The following NPSR1 variants were observed in gnomAD, a reference collection of about 807,000 sequenced individuals.
The protein encoded by NPSR1 is neuropeptide S receptor 1.
NPSR1 carries 48 observed loss-of-function variants against 46.9 expected under a neutral mutation model. The ratio of observed to expected loss-of-function variants is 1.02; its 90% CI spans 0.81 to 1.30. The LOEUF (loss-of-function observed/expected upper bound fraction) is 1.30, where lower values mean the gene tolerates loss of function less well. Among genes scored for constraint, NPSR1 ranks in the 50% most tolerant of loss-of-function variants. The pLI, the probability that NPSR1 is intolerant of heterozygous loss-of-function variation, is 0.00. For synonymous variants in NPSR1, 176 were observed against 168.1 expected, an observed-to-expected ratio of 1.05 and a Z score of -0.36; for missense variants, 450 against 449.5, an observed-to-expected ratio of 1.00 and a Z score of -0.01.
intron 7 of NPSR1, among the ~76,000 whole-genome samples, chr7:34,846,637 A>G (rs994838205): frequency 9.2e-5 from 14 of 152,166 alleles, no homozygotes; most frequent in Non-Finnish European, 1.9e-4. Flanking sequence ...GAAAACCAAT[A>G]CAGGTGTATT....
chr7:34,842,168 T>C (rs1790587179), intron 6 of NPSR1, among the ~76,000 whole-genome samples: 1 of 152,206 alleles, frequency 6.6e-6, no homozygotes, highest in Non-Finnish European at 1.5e-5. Context: ...TCAAAGTAAC[T>C]CTGTGAGTTA....
At chr7:34,695,742 A>G (rs1198912658) in intron 2 of NPSR1, among the ~76,000 whole-genome samples, 2 of 152,196 alleles carry the variant, frequency 1.3e-5, no homozygotes, top group African/African-American at 4.8e-5. Context: ...TAAAAGTAAT[A>G]CCACAATGAG....
intron 2 of NPSR1, among the ~76,000 whole-genome samples, chr7:34,698,773 T>A (rs1248265239): frequency 6.6e-6 from 1 of 152,208 alleles, no homozygotes; most frequent in Non-Finnish European, 1.5e-5. Context: ...AAATCATATG[T>A]TTGACAAGGT....
At chr7:34,798,527 T>A (rs1428788155) in intron 3 of NPSR1, among the ~76,000 whole-genome samples, 1 of 152,100 alleles carries the variant, frequency 6.6e-6, no homozygotes, top group Non-Finnish European at 1.5e-5. Flanking sequence ...AGAGTGAGAC[T>A]CTGTCTAAGA....
chr7:34,748,914 A>C (rs1327243980), intron 2 of NPSR1, among the ~76,000 whole-genome samples: 2 of 152,092 alleles, frequency 1.3e-5, no homozygotes, highest in Non-Finnish European at 2.9e-5. Flanking sequence ...GGAACTGAGG[A>C]TCTTTACTTA....
At chr7:34,740,210 C>T (rs532112470) in intron 2 of NPSR1, among the ~76,000 whole-genome samples, 287 of 152,074 alleles carry the variant, frequency 1.9e-3, no homozygotes, top group African/African-American at 6.7e-3. Flanking sequence ...ACAGGCCTCA[C>T]CCAGCTCCCA....
At chr7:34,737,140 C>G (rs1784717023) in intron 2 of NPSR1, among the ~76,000 whole-genome samples, 1 of 152,074 alleles carries the variant, frequency 6.6e-6, no homozygotes, top group Non-Finnish European at 1.5e-5. Context: ...CTGCCAATAT[C>G]AGCATTCATA....
At chr7:34,672,556 G>C (rs1218775763) in intron 1 of NPSR1, among the ~76,000 whole-genome samples, 1 of 152,304 alleles carries the variant, frequency 6.6e-6, no homozygotes, top group Non-Finnish European at 1.5e-5. Flanking sequence ...ATGATCTACG[G>C]CCCATGGTAC....
At chr7:34,854,103 T>C (rs999795410), downstream of NPSR1, among the ~76,000 whole-genome samples, 18 of 152,334 alleles carry the variant, frequency 1.2e-4, no homozygotes, top group African/African-American at 4.1e-4. Context: ...TAGTCATTGA[T>C]ACACCAAGAA....
intron 1 of NPSR1, among the ~76,000 whole-genome samples, chr7:34,674,429 A>T (rs1792210865): frequency 6.6e-6 from 1 of 152,124 alleles, no homozygotes; most frequent in Non-Finnish European, 1.5e-5. Context: ...TTTGCACTTG[A>T]TATTGCCAAC....
At chr7:34,779,471 C>T in intron 3 of NPSR1, 2 of 524,294 alleles carry the variant, frequency 3.8e-6, no homozygotes, top group East Asian at 3.9e-5. Flanking sequence ...TGTTAGTAGA[C>T]TCTTTTAGGA....
chr7:34,871,972 G>A (rs1191484035), intron 8 of NPSR1, among the ~76,000 whole-genome samples: 1 of 151,828 alleles, frequency 6.6e-6, no homozygotes, highest in African/African-American at 2.4e-5. Flanking sequence ...CCACTAGGCA[G>A]TGTCCCAGTG....
intron 2 of NPSR1, among the ~76,000 whole-genome samples, chr7:34,722,747 C>T (rs539498807): frequency 6.6e-5 from 10 of 152,256 alleles, no homozygotes; most frequent in African/African-American, 2.4e-4. Flanking sequence ...TGTTGGAGAT[C>T]CATTAGATAT....
At chr7:34,802,096 C>T (rs140835459) in intron 3 of NPSR1, among the ~76,000 whole-genome samples, 10,381 of 149,344 alleles carry the variant, frequency 0.07, 1,659 homozygotes, top group African/African-American at 0.23. Context: ...ACATTCCATG[C>T]TCATGGGTAG....
At chr7:34,828,752 A>G (rs1325619226) in intron 5 of NPSR1, among the ~76,000 whole-genome samples, 2 of 152,226 alleles carry the variant, frequency 1.3e-5, no homozygotes, top group African/African-American at 4.8e-5. Context: ...TTCTTGTGGA[A>G]TTACTAGATC....
At position 34,811,823 on chromosome 7, in the gene NPSR1, A is replaced by G; in HGVS notation, c.438A>G (p.Arg146=). The part of the protein sequence containing the change: ...TYVLVSLSID[R]YHAIVYPMKF... ...TCCTGGTGTCCCTCAGCATAGACAG[A>G]TACCATGCCATCGTCTACCCCATGA... The change falls in exon 4 of 9, where the codon AGA becomes AGG. Residue 146 remains arginine (R), a synonymous_variant. Coordinates refer to ENST00000360581, the MANE Select transcript of NPSR1 (RefSeq NM_207172.2). The G allele has an allele frequency of 1.2e-6, 2 of 1,613,524 alleles. No individual in the cohort carries two copies. The highest frequency in any genetic ancestry group is 1.3e-5 in the African/African-American group (1 of 74,912).
At chr7:34,658,587 A>C in intron 1 of NPSR1, 28 bp downstream of exon 1, 7 of 1,608,616 alleles carry the variant, frequency 4.4e-6, no homozygotes, top group Non-Finnish European at 6.0e-6. Flanking sequence ...GACTCTGAAC[A>C]CTGACTTATA....
chr7:34,755,293 A>G (rs1785770853), intron 2 of NPSR1, among the ~76,000 whole-genome samples: 1 of 152,238 alleles, frequency 6.6e-6, no homozygotes, highest in African/African-American at 2.4e-5. Flanking sequence ...CAAATACATG[A>G]AACAGTGGTT....
intron 2 of NPSR1, 55 bp from the exon 3 acceptor site, chr7:34,778,407 G>GAAAAAT (rs1645792406): frequency 5.4e-6 from 6 of 1,108,160 alleles, no homozygotes; most frequent in African/African-American, 4.8e-5. Context: ...CTGCAAATTT[G>GAAAAAT]AAAAATAAAA....
Sources: gnomAD v4.1 joint callset for allele counts (sites outside exome capture counted in the v4.1 genomes callset) on GRCh38, gnomAD v4.1.1 for gene constraint, MANE v1.5 for transcripts, NCBI Gene and HGNC (gene_info 2026-07-23, HGNC 2026-07-21) for gene names.